CADPS2: variants seen among roughly 807,000 people sequenced by gnomAD.
The protein encoded by CADPS2 is calcium dependent secretion activator 2.
Under a neutral mutation model 172.5 loss-of-function variants are expected in CADPS2, and 93 were observed. The observed-to-expected ratio is 0.54, with a 90% CI of 0.46 to 0.64. The LOEUF (loss-of-function observed/expected upper bound fraction) is 0.64. Among genes scored for constraint, CADPS2 ranks in the 30% least tolerant of loss-of-function variants. The pLI is 0.00. For synonymous variants in CADPS2, 546 were observed against 555.2 expected, an observed-to-expected ratio of 0.98 and a Z score of 0.23; for missense variants, 1,420 against 1,565.9, an observed-to-expected ratio of 0.91 and a Z score of 1.57.
chr7:122,738,888 C>T (rs965211863), intron 1 of CADPS2, among the ~76,000 whole-genome samples: 10 of 149,972 alleles, frequency 6.7e-5, no homozygotes, highest in East Asian at 5.9e-4. Flanking sequence ...CCATGGGCAG[C>T]GAAGAAAGAA....
chr7:122,741,332 G>C (rs1384996206), intron 1 of CADPS2, among the ~76,000 whole-genome samples: 2 of 152,112 alleles, frequency 1.3e-5, no homozygotes, highest in African/African-American at 4.8e-5. Context: ...GGATGGCTGT[G>C]GGAACTGGAC....
intron 3 of CADPS2, among the ~76,000 whole-genome samples, chr7:122,658,088 C>G (rs1481081336): frequency 1.3e-5 from 2 of 152,076 alleles, no homozygotes; most frequent in Admixed American, 1.3e-4. Context: ...AGGATATGAA[C>G]AGACACTTCT....
intron 23 of CADPS2, among the ~76,000 whole-genome samples, chr7:122,387,971 T>C (rs771530471): frequency 1.5e-4 from 23 of 151,972 alleles, no homozygotes; most frequent in East Asian, 3.9e-4. Context: ...GTATATATAA[T>C]GAACAAGGAC....
In CADPS2 at chr7:122,438,397, A is replaced by C; in HGVS notation, c.2420T>G (p.Leu807Arg). 3 of 1,613,170 alleles carry C rather than the reference A, an allele frequency of 1.9e-6. No homozygotes were observed. The highest frequency in any genetic ancestry group is 2.5e-6 in the Non-Finnish European group (3 of 1,179,406). ...EEVKKVVRKC[L>R]EKAALINYTR... ...GTAATTGATCAAGGCAGCTTTCTCGAGACATTTTCTGACCACTTTCTTCAC... is the reference window on the plus strand; with the variant it reads ...GTAATTGATCAAGGCAGCTTTCTCGCGACATTTTCTGACCACTTTCTTCAC... Residue 807 changes from leucine to arginine, a missense_variant, in exon 17 of 30, where the codon CTC (leucine) becomes CGC (arginine). Physicochemically the swap from Leu to Arg is moderately radical, Grantham distance 102 (BLOSUM62 -2). Coordinates refer to ENST00000449022, the MANE Select transcript of CADPS2 (RefSeq NM_017954.11).
At chr7:122,697,831 A>G in intron 2 of CADPS2, 1 of 1,606,826 alleles carries the variant, frequency 6.2e-7, no homozygotes. Context: ...ATGAGGCTGG[A>G]TGTCATTATT....
At chr7:122,705,014 A>C (rs2086761023) in intron 2 of CADPS2, among the ~76,000 whole-genome samples, 1 of 152,070 alleles carries the variant, frequency 6.6e-6, no homozygotes, top group Admixed American at 6.6e-5. Flanking sequence ...GAAGCATCCC[A>C]AAACTCTCCC....
chr7:122,502,911 A>AT lies in CADPS2; in HGVS notation c.1542+10337dup, dbSNP rs1327859595. ...CTTTTTATTAAGTCCAATTTTATAG[A>AT]TTTTTTTAATTGTAGAGAAGCATGA... is the stretch of plus-strand genomic sequence containing the variant. On this transcript the variant is annotated intron_variant, in intron 9 of 29. Coordinates refer to ENST00000449022, the MANE Select transcript of CADPS2 (RefSeq NM_017954.11). Among the ~76,000 whole-genome samples the AT allele has an allele frequency of 7.9e-5, 12 of 151,560 alleles. No individual in the cohort carries two copies. In the South Asian group the frequency reaches 1.3e-3, roughly 16 times the overall value.
intron 17 of CADPS2, among the ~76,000 whole-genome samples, chr7:122,428,376 T>C (rs1015975752): frequency 1.3e-5 from 2 of 151,766 alleles, no homozygotes; most frequent in African/African-American, 4.8e-5. Flanking sequence ...CTGTACTTGA[T>C]GAAACAGTAA....
At chr7:122,498,271 TTC>T (rs2058917655) in intron 9 of CADPS2, among the ~76,000 whole-genome samples, 1 of 152,186 alleles carries the variant, frequency 6.6e-6, no homozygotes, top group African/African-American at 2.4e-5. Flanking sequence ...TTTATGATTG[TTC>T]TTACATGTTC....
intron 3 of CADPS2, among the ~76,000 whole-genome samples, chr7:122,631,504 C>T (rs2076572357): frequency 6.6e-6 from 1 of 152,014 alleles, no homozygotes. Context: ...GTCTTGAACT[C>T]CTGGGCTCAA....
intron 11 of CADPS2, among the ~76,000 whole-genome samples, chr7:122,482,178 T>C (rs186403944): frequency 1.0e-3 from 152 of 152,238 alleles, no homozygotes; most frequent in African/African-American, 3.6e-3. Context: ...AGAAAAAATA[T>C]GGGAACACAA....
At chr7:122,832,343 T>C (rs1584746594) in intron 1 of CADPS2, among the ~76,000 whole-genome samples, 1 of 149,752 alleles carries the variant, frequency 6.7e-6, no homozygotes, top group Non-Finnish European at 1.5e-5. Flanking sequence ...ACACACACAA[T>C]AGTAAGTAAA....
intron 9 of CADPS2, among the ~76,000 whole-genome samples, chr7:122,509,403 C>G (rs150590491): frequency 0.014 from 2,170 of 152,224 alleles, 57 homozygotes; most frequent in African/African-American, 0.049. Context: ...AACTTCAAGT[C>G]ATGATTCTGA....
At chr7:122,665,645 T>C (rs1201425961) in intron 2 of CADPS2, among the ~76,000 whole-genome samples, 1 of 152,206 alleles carries the variant, frequency 6.6e-6, no homozygotes, top group African/African-American at 2.4e-5. Flanking sequence ...TTGTCAAATA[T>C]TATACTGAGT....
At chr7:122,789,314 C>T (rs1794756162) in intron 1 of CADPS2, among the ~76,000 whole-genome samples, 1 of 152,142 alleles carries the variant, frequency 6.6e-6, no homozygotes, top group African/African-American at 2.4e-5. Flanking sequence ...TATCCTATCT[C>T]CCCCAAGGCC....
intron 24 of CADPS2, 92 bp downstream of exon 24, chr7:122,386,934 T>C: frequency 2.9e-6 from 4 of 1,358,450 alleles, no homozygotes; most frequent in Admixed American, 2.6e-5. Context: ...CTTGGTCTTT[T>C]CAATCCAATC....
At chr7:122,433,408 T>A in intron 17 of CADPS2, among the ~76,000 whole-genome samples, 1 of 134,568 alleles carries the variant, frequency 7.4e-6, no homozygotes, top group Non-Finnish European at 1.5e-5. Context: ...TTTTTTTGGT[T>A]TTTTTTTTTT....
At chr7:122,687,222 A>G (rs1420589322) in intron 2 of CADPS2, among the ~76,000 whole-genome samples, 6 of 152,172 alleles carry the variant, frequency 3.9e-5, no homozygotes, top group African/African-American at 1.4e-4. Context: ...TACCCTGGCC[A>G]TATCTTCACC....
chr7:122,422,275 C>G (rs995968873), intron 17 of CADPS2, among the ~76,000 whole-genome samples: 2 of 152,148 alleles, frequency 1.3e-5, no homozygotes, highest in African/African-American at 4.8e-5. Flanking sequence ...GAGGCTTTAC[C>G]TTGAGAGCCT....
Sources: gnomAD v4.1 joint callset for allele counts (sites outside exome capture counted in the v4.1 genomes callset) on GRCh38, gnomAD v4.1.1 for gene constraint, MANE v1.5 for transcripts, NCBI Gene and HGNC (gene_info 2026-07-23, HGNC 2026-07-21) for gene names.